Variants in CUEDC1 observed in about 807,000 individuals in gnomAD.
CUEDC1 encodes the protein CUE domain containing 1.
A neutral mutation model predicts 43.7 loss-of-function variants in CUEDC1; 30 were observed. That is an observed-to-expected ratio of 0.69 (90% CI 0.51 to 0.93). CUEDC1 has a LOEUF of 0.93. Among genes scored for constraint, CUEDC1 ranks in the 40% least tolerant of loss-of-function variants. The pLI is 0.00. For missense variants in CUEDC1, 486 were observed against 549.0 expected, an observed-to-expected ratio of 0.89 and a Z score of 1.15; for synonymous variants, 223 against 223.6, an observed-to-expected ratio of 1.00 and a Z score of 0.02.
At chr17:57,938,737 A>G (rs2074885255) in intron 1 of CUEDC1, among the ~76,000 whole-genome samples, 1 of 151,882 alleles carries the variant, frequency 6.6e-6, no homozygotes, top group African/African-American at 2.4e-5. Context: ...ATCTCAGCTC[A>G]GCGCAACCTC....
intron 2 of CUEDC1, among the ~76,000 whole-genome samples, chr17:57,880,832 C>CTTGA (rs2074194140): frequency 4.5e-5 from 2 of 44,816 alleles, no homozygotes; most frequent in African/African-American, 8.0e-5. Context: ...GTCTTGAACT[C>CTTGA]CTGATCCACC....
intron 1 of CUEDC1, among the ~76,000 whole-genome samples, chr17:57,948,781 T>C (rs1157576868): frequency 6.6e-6 from 1 of 152,184 alleles, no homozygotes; most frequent in Non-Finnish European, 1.5e-5. Context: ...CCTCATACCT[T>C]ACTTGAATCC....
chr17:57,875,083 G>A (rs2074097654), intron 3 of CUEDC1, among the ~76,000 whole-genome samples: 1 of 152,066 alleles, frequency 6.6e-6, no homozygotes, highest in African/African-American at 2.4e-5. Context: ...CTACATCACT[G>A]CCACCTTCTG....
At position 57,872,828 on chromosome 17, in the gene CUEDC1, T is replaced by A. The variant is rs2074054363; in HGVS notation, c.619A>T (p.Ser207Cys). ...ATGGCAGGTGGACATCCCTCTCCAC[T>A]CCCAGGCTTGGGGCCCCCAGCGTTA... Reference protein sequence around the residue: ...QGNAGGPKPGSGEGCPPAMAG... With the variant: ...QGNAGGPKPGCGEGCPPAMAG... Residue 207 changes from serine (S) to cysteine (C), a missense_variant, in exon 5 of 11, where the codon AGT (serine) becomes TGT (cysteine). Ser to Cys is a moderately radical substitution (Grantham distance 112). Transcript: ENST00000577830. The A allele has an allele frequency of 3.1e-6, 5 of 1,613,560 alleles. No homozygotes were observed. The highest frequency in any genetic ancestry group is 4.2e-6 in the Non-Finnish European group (5 of 1,179,808).
intron 1 of CUEDC1, among the ~76,000 whole-genome samples, chr17:57,892,066 C>A (rs1183742756): frequency 6.6e-6 from 1 of 152,196 alleles, no homozygotes; most frequent in Non-Finnish European, 1.5e-5. Context: ...TGGAGGAGTG[C>A]TGTAACTGTG....
At chr17:57,871,413 G>A (rs979104144) in intron 5 of CUEDC1, 44 bp from the exon 6 acceptor site, 2 of 1,519,094 alleles carry the variant, frequency 1.3e-6, no homozygotes, top group African/African-American at 1.4e-5. Context: ...TTAGCTCCTG[G>A]GCTCCCAGGG....
intron 1 of CUEDC1, among the ~76,000 whole-genome samples, chr17:57,908,390 G>A (rs2074549934): frequency 6.6e-6 from 1 of 152,094 alleles, no homozygotes; most frequent in African/African-American, 2.4e-5. Flanking sequence ...AAGCACAGAG[G>A]AGCTTGGGCA....
intron 3 of CUEDC1, among the ~76,000 whole-genome samples, chr17:57,877,180 A>G (rs1272733912): frequency 3.3e-5 from 5 of 152,186 alleles, no homozygotes; most frequent in African/African-American, 9.7e-5. Flanking sequence ...TAACTTATCT[A>G]AAGTCCACAG....
In CUEDC1 at chr17:57,861,805, C is replaced by G. The variant is rs971530274; in HGVS notation, c.*1484G>C. The stretch of plus-strand genomic sequence containing the variant: ...GGGTACCGAGGCACTCCTCGGAGAC[C>G]CCCCCCCCTCCCTCCAGGGCCCCAG... On this transcript the variant is annotated 3_prime_UTR_variant, in exon 11 of 11. Transcript: ENST00000577830. 1 of 124,602 alleles carries G rather than the reference C, an allele frequency of 8.0e-6. No individual in the cohort carries two copies. Among genetic ancestry groups the G allele is most frequent in the Non-Finnish European group, 1.6e-5 (1 of 62,312 alleles). 7.7% of individuals were successfully genotyped at this position (124,602 alleles called of 1,614,324 possible). A position where few individuals can be genotyped will look rare whatever the true frequency, so the allele number is the denominator to read the frequency against.
intron 1 of CUEDC1, among the ~76,000 whole-genome samples, chr17:57,949,390 T>C (rs986233773): frequency 2.0e-5 from 3 of 152,078 alleles, no homozygotes; most frequent in Non-Finnish European, 4.4e-5. Flanking sequence ...TATCTGGCAC[T>C]TGGCCAGTGG....
At chr17:57,942,883 C>T (rs1475839246) in intron 1 of CUEDC1, among the ~76,000 whole-genome samples, 7 of 151,800 alleles carry the variant, frequency 4.6e-5, no homozygotes, top group South Asian at 2.1e-4. Context: ...AAAAAATTAG[C>T]CAGGCGTGGT....
chr17:57,869,207 C>T lies in CUEDC1; in HGVS notation c.869-14G>A, dbSNP rs369548166. On this transcript the variant is annotated splice_polypyrimidine_tract_variant and intron_variant, in intron 6 of 10. Coordinates refer to ENST00000577830, the MANE Select transcript of CUEDC1 (RefSeq NM_001271875.2). ...CGTCGCCAGTTCCTGGAAGGAGACA[C>T]CTGCTGAAGGCCGGCCACCGTGGCC... 5.3e-5 allele frequency: 86 copies of T among 1,612,632 alleles called. No individual in the cohort carries two copies. Among genetic ancestry groups the T allele is most frequent in the Admixed American group, 4.3e-4 (26 of 59,964 alleles).
At chr17:57,936,832 T>G (rs1488064243) in intron 1 of CUEDC1, among the ~76,000 whole-genome samples, 1 of 151,718 alleles carries the variant, frequency 6.6e-6, no homozygotes, top group Non-Finnish European at 1.5e-5. Context: ...CACACTTTTT[T>G]TTTTTTTGAA....
chr17:57,939,891 C>A (rs1251339885), intron 1 of CUEDC1, among the ~76,000 whole-genome samples: 3 of 152,166 alleles, frequency 2.0e-5, no homozygotes, highest in Non-Finnish European at 4.4e-5. Flanking sequence ...GCAGGTGCAC[C>A]ATGCAGACTC....
chr17:57,872,937 C>T (rs951177121), intron 4 of CUEDC1, 82 bp from the exon 5 acceptor site: 18 of 1,318,114 alleles, frequency 1.4e-5, no homozygotes, highest in African/African-American at 7.3e-5. Context: ...TGGTTGCACA[C>T]ATGCCCTGTC....
chr17:57,943,010 G>A (rs556632011), intron 1 of CUEDC1, among the ~76,000 whole-genome samples: 6 of 150,038 alleles, frequency 4.0e-5, no homozygotes, highest in East Asian at 3.9e-4. Flanking sequence ...CCTGGGTGAC[G>A]GAGTGAGACT....
intron 1 of CUEDC1, among the ~76,000 whole-genome samples, chr17:57,927,052 G>A (rs2074754297): frequency 6.6e-6 from 1 of 152,208 alleles, no homozygotes; most frequent in Non-Finnish European, 1.5e-5. Flanking sequence ...TTGTTTGTAG[G>A]GATGGCCGGC....
chr17:57,935,654 C>A (rs535087050), intron 1 of CUEDC1, among the ~76,000 whole-genome samples: 4 of 152,064 alleles, frequency 2.6e-5, no homozygotes, highest in South Asian at 2.1e-4. Flanking sequence ...CCACAGGGAA[C>A]AAAACAAGGC....
At chr17:57,900,927 A>G (rs1289874827) in intron 1 of CUEDC1, among the ~76,000 whole-genome samples, 2 of 152,200 alleles carry the variant, frequency 1.3e-5, no homozygotes, top group Non-Finnish European at 2.9e-5. Context: ...GGTGTATCTC[A>G]GAGGACGGTG....
Sources: allele counts gnomAD v4.1 joint callset (sites outside exome capture counted in the v4.1 genomes callset), GRCh38; gene constraint gnomAD v4.1.1; transcripts MANE v1.5; gene names NCBI Gene and HGNC (gene_info 2026-07-23, HGNC 2026-07-21).